NHERF1: variants seen among roughly 807,000 people sequenced by gnomAD.
The protein encoded by NHERF1 is NHERF family PDZ scaffold protein 1, also known as Na(+)/H(+) exchange regulatory cofactor NHE-RF1.
the NHERF1 span, chr17:74,767,969 A>G: frequency 1.4e-6 from 1 of 712,532 alleles, no homozygotes; most frequent in Non-Finnish European, 2.6e-6. Flanking sequence ...TCTGATCCCC[A>G]AAGGAATGTA....
At chr17:74,752,148 G>A in the NHERF1 span, among the ~76,000 whole-genome samples, 5 of 152,302 alleles carry the variant, frequency 3.3e-5, no homozygotes, top group Non-Finnish European at 5.9e-5. Context: ...AGAATGATAC[G>A]TTGTGGCCAG....
chr17:74,768,376 C>T, the NHERF1 span: 25 of 1,472,784 alleles, frequency 1.7e-5, no homozygotes, highest in African/African-American at 2.4e-4. Flanking sequence ...TCCCTGGGCA[C>T]GGCCCCAACG....
chr17:74,767,543 T>C, the NHERF1 span, among the ~76,000 whole-genome samples: 1 of 152,200 alleles, frequency 6.6e-6, no homozygotes, highest in Non-Finnish European at 1.5e-5. Flanking sequence ...CAGGGTCTGC[T>C]TAAAGGTTCC....
chr17:74,760,730 T>C, the NHERF1 span, among the ~76,000 whole-genome samples: 1 of 152,214 alleles, frequency 6.6e-6, no homozygotes, highest in South Asian at 2.1e-4. This position sits in a 1 kb window ranked among gnomAD's most constrained non-coding sequence, Gnocchi z 4.5. Context: ...TGGGAAAGTC[T>C]GGGTGTGCAC....
At chr17:74,763,909 T>C in the NHERF1 span, among the ~76,000 whole-genome samples, 1 of 152,214 alleles carries the variant, frequency 6.6e-6, no homozygotes, top group Admixed American at 6.5e-5. Context: ...CAGCCTTTGC[T>C]TGGTCAGATC....
chr17:74,756,792 A>T, the NHERF1 span, among the ~76,000 whole-genome samples: 2 of 152,182 alleles, frequency 1.3e-5, no homozygotes, highest in African/African-American at 4.8e-5. Flanking sequence ...TTAGGACTAT[A>T]ATTGGCTCTT....
the NHERF1 span, among the ~76,000 whole-genome samples, chr17:74,755,129 C>T: frequency 6.6e-6 from 1 of 152,192 alleles, no homozygotes; most frequent in Admixed American, 6.5e-5. Flanking sequence ...TGAAGCCTGA[C>T]TCTGCCAGGT....
At chr17:74,761,356 G>A in the NHERF1 span, among the ~76,000 whole-genome samples, 35 of 152,314 alleles carry the variant, frequency 2.3e-4, no homozygotes, top group Middle Eastern at 3.4e-3. The surrounding 1 kb of genome is among the most constrained non-coding windows in gnomAD (Gnocchi z 4.3). Flanking sequence ...GGATGGCCCC[G>A]TCTTGTCCAG....
chr17:74,768,213 G>A, the NHERF1 span: 5 of 1,613,056 alleles, frequency 3.1e-6, no homozygotes, highest in Admixed American at 1.7e-5. Flanking sequence ...GGTGAGATCC[G>A]CCTCCAGTGA....
chr17:74,766,991 CCT>C, the NHERF1 span: 45 of 1,613,044 alleles, frequency 2.8e-5, no homozygotes, highest in South Asian at 1.9e-4. Context: ...GGGCGGGTCC[CCT>C]GTCTCTTTGG....
At chr17:74,759,964 C>T in the NHERF1 span, among the ~76,000 whole-genome samples, 12 of 152,162 alleles carry the variant, frequency 7.9e-5, no homozygotes, top group African/African-American at 2.2e-4. Context: ...AGCGCAGGGA[C>T]GGTGGAGGGA....
the NHERF1 span, chr17:74,768,298 T>G: frequency 1.4e-6 from 2 of 1,412,738 alleles, no homozygotes; most frequent in Non-Finnish European, 2.0e-6. Flanking sequence ...AGGCCCCACT[T>G]GTTCCTGGCA....
chr17:74,748,732 G>A, the NHERF1 span: 5 of 941,226 alleles, frequency 5.3e-6, no homozygotes, highest in Non-Finnish European at 7.8e-6. This position sits in a 1 kb window ranked among gnomAD's most constrained non-coding sequence, Gnocchi z 4.3. Flanking sequence ...CCCGTCCGGC[G>A]GCTCAGGGCT....
the NHERF1 span, chr17:74,762,099 C>G: frequency 1.2e-6 from 2 of 1,614,164 alleles, no homozygotes; most frequent in South Asian, 2.2e-5. The surrounding 1 kb of genome is among the most constrained non-coding windows in gnomAD (Gnocchi z 4.2). Flanking sequence ...CAAGCCAGGC[C>G]AGTTCATCCG....
chr17:74,754,094 G>C, the NHERF1 span, among the ~76,000 whole-genome samples: 1 of 151,994 alleles, frequency 6.6e-6, no homozygotes, highest in African/African-American at 2.4e-5. Context: ...AACCTGGGAG[G>C]TGGAGGTTTC....
the NHERF1 span, chr17:74,768,649 A>T: frequency 6.2e-7 from 1 of 1,613,522 alleles, no homozygotes; most frequent in South Asian, 1.1e-5. Context: ...CTCTTCAGCA[A>T]CCTCTGAGCG....
At chr17:74,761,324 G>A in the NHERF1 span, among the ~76,000 whole-genome samples, 1 of 152,216 alleles carries the variant, frequency 6.6e-6, no homozygotes, top group East Asian at 1.9e-4. This position sits in a 1 kb window ranked among gnomAD's most constrained non-coding sequence, Gnocchi z 4.3. Flanking sequence ...GGTGTCGGGG[G>A]AGGAGGTCCT....
At chr17:74,754,731 G>A in the NHERF1 span, among the ~76,000 whole-genome samples, 457 of 152,028 alleles carry the variant, frequency 3.0e-3, 3 homozygotes, top group African/African-American at 0.01. Context: ...CACCTGCCTC[G>A]GTCTCCCAAA....
chr17:74,754,490 T>C, the NHERF1 span, among the ~76,000 whole-genome samples: 3 of 148,830 alleles, frequency 2.0e-5, no homozygotes, highest in African/African-American at 7.4e-5. Context: ...GCAACCTCCG[T>C]CTCTCAAGTT....
Sources: allele counts gnomAD v4.1 joint callset (sites outside exome capture counted in the v4.1 genomes callset), GRCh38; gene constraint gnomAD v4.1.1; non-coding constraint Gnocchi (gnomAD v3.1); transcripts MANE v1.5; gene names NCBI Gene and HGNC (gene_info 2026-07-23, HGNC 2026-07-21).